PRKD1: variants seen among roughly 807,000 people sequenced by gnomAD.
The protein encoded by PRKD1 is protein kinase D1, also known as serine/threonine-protein kinase D1.
Under a neutral mutation model 95.9 loss-of-function variants are expected in PRKD1, and 63 were observed. The observed-to-expected ratio is 0.66, with a 90% CI of 0.54 to 0.81. The LOEUF (loss-of-function observed/expected upper bound fraction) is 0.81. PRKD1 is among the 30% of genes least tolerant of loss of function. The pLI is 0.00. For synonymous variants in PRKD1, 425 were observed against 423.1 expected, an observed-to-expected ratio of 1.00 and a Z score of -0.05; for missense variants, 1,048 against 1,165.3, an observed-to-expected ratio of 0.90 and a Z score of 1.47.
intron 2 of PRKD1, among the ~76,000 whole-genome samples, chr14:29,701,251 G>T (rs1259714898): frequency 6.6e-6 from 1 of 152,128 alleles, no homozygotes; most frequent in African/African-American, 2.4e-5. Context: ...TGTTAGAAAT[G>T]TATGTTCTTG....
chr14:29,626,464 TACTC>T lies in PRKD1; in HGVS notation c.1798+16_1798+19del. 6.3e-7 allele frequency: 1 copy of T among 1,588,494 alleles called. No homozygotes were observed. Among genetic ancestry groups the T allele is most frequent in the Non-Finnish European group, 8.6e-7 (1 of 1,163,848 alleles). On this transcript the variant is annotated intron_variant, in intron 12 of 17. Transcript: ENST00000331968. ...AGCAAAAATTTTAAGTTCATAAAAA[TACTC>T]AGTGAGATAACCTACCTCCATAAAC...
chr14:29,844,986 C>A (rs540395946), intron 1 of PRKD1, among the ~76,000 whole-genome samples: 1 of 152,258 alleles, frequency 6.6e-6, no homozygotes, highest in Non-Finnish European at 1.5e-5. Context: ...CCTCCTGTAG[C>A]ACAGCAAGGA....
At chr14:29,772,880 G>T (rs181612433) in intron 1 of PRKD1, among the ~76,000 whole-genome samples, 1 of 152,230 alleles carries the variant, frequency 6.6e-6, no homozygotes, top group East Asian at 1.9e-4. Context: ...CTGATAACAA[G>T]ACTCTTCTTC....
At chr14:29,920,199 C>T (rs751329257) in intron 1 of PRKD1, among the ~76,000 whole-genome samples, 13 of 152,070 alleles carry the variant, frequency 8.5e-5, no homozygotes, top group Non-Finnish European at 1.9e-4. Context: ...TTTGTTCCAA[C>T]ATATTCCAAC....
Position 29,833,058 on chromosome 14 carries a change from A to G in PRKD1, c.264+94191T>C, listed in dbSNP as rs45438404. Among the ~76,000 whole-genome samples, 605 of 152,252 alleles carry G rather than the reference A, an allele frequency of 4.0e-3. 4 individuals carry two copies. Among genetic ancestry groups the G allele is most frequent in the African/African-American group, 0.014 (566 of 41,568 alleles). ...TATACACACTTGAAGAATAGTATGTAAGAAAAGCAATTATAAGAACAAGAT... is the reference window on the plus strand; with the variant it reads ...TATACACACTTGAAGAATAGTATGTGAGAAAAGCAATTATAAGAACAAGAT... On this transcript the variant is annotated intron_variant, in intron 1 of 17. Coordinates refer to ENST00000331968, the MANE Select transcript of PRKD1 (RefSeq NM_002742.3).
chr14:29,578,397 T>C (rs1289474942), intron 16 of PRKD1, 37 bp from the exon 17 acceptor site: 8 of 1,409,738 alleles, frequency 5.7e-6, no homozygotes, highest in Non-Finnish European at 7.0e-6. Context: ...ATGACAAATC[T>C]GTAACATATG....
intron 1 of PRKD1, among the ~76,000 whole-genome samples, chr14:29,825,100 C>A (rs1276421815): frequency 6.6e-6 from 1 of 152,022 alleles, no homozygotes; most frequent in African/African-American, 2.4e-5. Flanking sequence ...AGTTCAAAAT[C>A]TAGTGAACCG....
At chr14:29,887,483 A>G (rs1001415128) in intron 1 of PRKD1, among the ~76,000 whole-genome samples, 2 of 152,246 alleles carry the variant, frequency 1.3e-5, no homozygotes, top group African/African-American at 4.8e-5. Context: ...ATACTATGGA[A>G]AAACTGAGCA....
intron 4 of PRKD1, 48 bp from the exon 5 acceptor site, chr14:29,638,952 GATTTATAT>G (rs776175455): frequency 4.3e-6 from 6 of 1,404,862 alleles, no homozygotes; most frequent in Non-Finnish European, 6.0e-6. Flanking sequence ...GAGGCTATTT[GATTTATAT>G]ATTTATATAT....
chr14:29,764,533 G>T (rs1281704635), intron 1 of PRKD1, among the ~76,000 whole-genome samples: 1 of 152,142 alleles, frequency 6.6e-6, no homozygotes, highest in Non-Finnish European at 1.5e-5. Context: ...AGACCAAGGT[G>T]CAGCAGTTTG....
intron 9 of PRKD1, 135 bp downstream of exon 9, chr14:29,632,734 G>GA (rs112125640): frequency 7.5e-3 from 5,003 of 667,480 alleles, no homozygotes; most frequent in South Asian, 0.012. Context: ...CTATAGAGAA[G>GA]AAAAAAAAAA....
chr14:29,762,745 T>C (rs1888055016), intron 1 of PRKD1, among the ~76,000 whole-genome samples: 1 of 152,190 alleles, frequency 6.6e-6, no homozygotes, highest in Admixed American at 6.5e-5. Flanking sequence ...TACACATATA[T>C]TACTATCTAT....
intron 1 of PRKD1, among the ~76,000 whole-genome samples, chr14:29,768,867 C>A (rs1888379090): frequency 6.6e-6 from 1 of 152,090 alleles, no homozygotes; most frequent in Admixed American, 6.6e-5. Flanking sequence ...GATTTTCCCT[C>A]CTCTTGTATA....
At chr14:29,737,746 G>A (rs1886796467) in intron 1 of PRKD1, among the ~76,000 whole-genome samples, 1 of 152,180 alleles carries the variant, frequency 6.6e-6, no homozygotes. Context: ...AGCTGTAAGG[G>A]ACAGTCCAAA....
At chr14:29,682,073 T>C (rs1463772164) in intron 2 of PRKD1, among the ~76,000 whole-genome samples, 1 of 152,204 alleles carries the variant, frequency 6.6e-6, no homozygotes, top group Non-Finnish European at 1.5e-5. Context: ...AAAATGGCCA[T>C]GGATGATTGC....
chr14:29,666,594 A>G (rs1338389184), intron 2 of PRKD1, among the ~76,000 whole-genome samples: 1 of 152,102 alleles, frequency 6.6e-6, no homozygotes, highest in Non-Finnish European at 1.5e-5. Context: ...TATTAATGAA[A>G]AGAAGAAAGT....
intron 1 of PRKD1, among the ~76,000 whole-genome samples, chr14:29,818,616 G>GAAA (rs71108499): frequency 7.7e-6 from 1 of 129,996 alleles, no homozygotes. Context: ...TACTTCATTT[G>GAAA]AAAAAAAAAA....
chr14:29,605,891 G>A (rs954426357), intron 13 of PRKD1, among the ~76,000 whole-genome samples: 3 of 152,190 alleles, frequency 2.0e-5, no homozygotes, highest in African/African-American at 7.2e-5. Context: ...ACGATATATA[G>A]TGATAGCCTC....
At chr14:29,598,997 C>G (rs779669294) in intron 15 of PRKD1, 30 bp downstream of exon 15, 1 of 1,571,554 alleles carries the variant, frequency 6.4e-7, no homozygotes, top group East Asian at 2.2e-5. Context: ...TTCCAACTGG[C>G]TTTTTGCTGA....
Sources: gnomAD v4.1 joint callset for allele counts (sites outside exome capture counted in the v4.1 genomes callset) on GRCh38, gnomAD v4.1.1 for gene constraint, MANE v1.5 for transcripts, NCBI Gene and HGNC (gene_info 2026-07-23, HGNC 2026-07-21) for gene names.